The following BRINP1 variants were observed in gnomAD, a reference collection of about 807,000 sequenced individuals.
BRINP1 encodes the protein BMP/retinoic acid inducible neural specific 1.
In BRINP1, 17 loss-of-function variants were observed where a neutral mutation model predicts 72.9. That is an observed-to-expected ratio of 0.23 (90% CI 0.16 to 0.35). The LOEUF is 0.35. BRINP1 is among the 10% of genes least tolerant of loss of function. BRINP1 has a pLI of 1.00. For missense variants in BRINP1, 850 were observed against 1,001.6 expected (o/e 0.85, Z 2.04); for synonymous variants, 418 against 378.5 (o/e 1.10, Z -1.21).
Position 119,354,704 on chromosome 9 carries a change from A to T in BRINP1, c.-51+14352T>A, listed in dbSNP as rs561314622. 3.7e-3 allele frequency among the ~76,000 whole-genome samples: 560 copies of T among 152,212 alleles called. 2 individuals carry two copies. The highest frequency in any genetic ancestry group is 0.013 in the African/African-American group (536 of 41,512). On this transcript the variant is annotated intron_variant, in intron 1 of 7. Transcript: ENST00000265922. ...GCAAGAACCCCGTCTCTAAAAAAAA[A>T]AAATAAAAATAAAAACTTGCCAGGT...
chr9:119,187,680 A>G (rs932272636), intron 7 of BRINP1, among the ~76,000 whole-genome samples: 5 of 152,238 alleles, frequency 3.3e-5, no homozygotes, highest in African/African-American at 1.2e-4. Flanking sequence ...TGACACCACC[A>G]AAAGAACAAA....
rs569347144 is a variant in BRINP1, at chr9:119,200,493, G to A, written c.1145+8226C>T. 2.0e-5 allele frequency among the ~76,000 whole-genome samples: 3 copies of A among 152,092 alleles called. No homozygotes were observed. The South Asian group carries it at 6.2e-4, about 32-fold the overall frequency. On this transcript the variant is annotated intron_variant, in intron 7 of 7. Coordinates refer to ENST00000265922, the MANE Select transcript of BRINP1 (RefSeq NM_014618.3). ...AGATAAGCTAGCCAGGTATGGTGGT[G>A]CACACCTGTAGTTCCAGATTCTTGG...
intron 1 of BRINP1, among the ~76,000 whole-genome samples, chr9:119,324,821 C>G (rs1051459523): frequency 1.3e-5 from 2 of 152,088 alleles, no homozygotes; most frequent in Non-Finnish European, 2.9e-5. Flanking sequence ...TTGGAATGGC[C>G]GGGCACAGTG....
chr9:119,229,179 G>A (rs141150268), intron 5 of BRINP1, among the ~76,000 whole-genome samples: 7 of 152,046 alleles, frequency 4.6e-5, no homozygotes, highest in South Asian at 2.1e-4. Flanking sequence ...AAGGAACACT[G>A]CATTTATTCA....
chr9:119,167,017 T>A lies in BRINP1; in HGVS notation c.*67A>T. 1 of 1,467,404 alleles carries A rather than the reference T, an allele frequency of 6.8e-7. No homozygotes were observed. The highest frequency in any genetic ancestry group is 9.1e-7 in the Non-Finnish European group (1 of 1,095,708). The allele number at this position is 1,467,404 out of a possible 1,614,324, so 90.9% of individuals were successfully genotyped here. On this transcript the variant is annotated 3_prime_UTR_variant, in exon 8 of 8. Coordinates refer to ENST00000265922, the MANE Select transcript of BRINP1 (RefSeq NM_014618.3). The surrounding 1 kb of genome is among the most constrained non-coding windows in gnomAD (Gnocchi z 4.3). ...AATTTTTGTGGGTTTTTTTGTTTTG[T>A]TTTGCTTCATTTTGTTCTGTTGTGT...
At chr9:119,286,532 C>T (rs764576392) in intron 2 of BRINP1, among the ~76,000 whole-genome samples, 68 of 152,206 alleles carry the variant, frequency 4.5e-4, no homozygotes, top group Non-Finnish European at 1.5e-4. Flanking sequence ...CTGCGCCCGG[C>T]CATCGCCATC....
chr9:119,338,610 C>T (rs1831374307), intron 1 of BRINP1, among the ~76,000 whole-genome samples: 1 of 149,994 alleles, frequency 6.7e-6, no homozygotes, highest in African/African-American at 2.5e-5. Context: ...CGGTGGCTCA[C>T]GCCTGTAATC....
intron 5 of BRINP1, among the ~76,000 whole-genome samples, chr9:119,215,176 A>G (rs1352216240): frequency 6.6e-6 from 1 of 152,206 alleles, no homozygotes; most frequent in Non-Finnish European, 1.5e-5. Flanking sequence ...TGGTCTACCA[A>G]TAGGAAGTGA....
At chr9:119,216,006 G>A (rs1293282773) in intron 5 of BRINP1, among the ~76,000 whole-genome samples, 1 of 152,192 alleles carries the variant, frequency 6.6e-6, no homozygotes, top group East Asian at 1.9e-4. Context: ...ATGAAAGAAT[G>A]CCTACAAATT....
intron 2 of BRINP1, among the ~76,000 whole-genome samples, chr9:119,289,632 C>T (rs1830802325): frequency 6.6e-6 from 1 of 152,138 alleles, no homozygotes; most frequent in South Asian, 2.1e-4. Flanking sequence ...TGAGAAATAT[C>T]CCAAAGGATA....
At chr9:119,182,013 G>C (rs1201725908) in intron 7 of BRINP1, among the ~76,000 whole-genome samples, 1 of 152,130 alleles carries the variant, frequency 6.6e-6, no homozygotes, top group Non-Finnish European at 1.5e-5. Flanking sequence ...TGTTTCTCTT[G>C]AGCTCACATA....
chr9:119,243,668 C>A (rs1830282429), intron 3 of BRINP1, among the ~76,000 whole-genome samples: 2 of 152,182 alleles, frequency 1.3e-5, no homozygotes, highest in Non-Finnish European at 2.9e-5. Context: ...ACGTTCCCAC[C>A]AACAGTGTAA....
At chr9:119,180,515 GTT>G (rs1337011739) in intron 7 of BRINP1, among the ~76,000 whole-genome samples, 1 of 143,444 alleles carries the variant, frequency 7.0e-6, no homozygotes, top group Non-Finnish European at 1.5e-5. Flanking sequence ...GTGTGTGTGT[GTT>G]AAAGAAGTGG....
Position 119,167,511 on chromosome 9 carries a change from C to T in BRINP1, c.1859G>A (p.Arg620His), listed in dbSNP as rs138808774. 3.3e-5 allele frequency: 53 copies of T among 1,614,146 alleles called. No homozygotes were observed. The highest frequency in any genetic ancestry group is 6.6e-5 in the South Asian group (6 of 91,076). ...TFFETVHIYL[R>H]SRTRLPTLLR... ...TAGGGTAGGTAGCCGAGTCCGACTA[C>T]GTAGGTAGATGTGGACCGTCTCGAA... Residue 620 changes from arginine to histidine, a missense_variant, in exon 8 of 8, where the codon CGT becomes CAT. Transcript: ENST00000265922. The surrounding 1 kb of genome is among the most constrained non-coding windows in gnomAD (Gnocchi z 4.3).
intron 5 of BRINP1, among the ~76,000 whole-genome samples, chr9:119,222,528 C>T (rs1279544936): frequency 1.3e-5 from 2 of 151,918 alleles, no homozygotes; most frequent in Admixed American, 1.3e-4. Context: ...TATGATTCTG[C>T]TCTGTGCTGT....
intron 5 of BRINP1, among the ~76,000 whole-genome samples, chr9:119,217,799 T>G (rs1829994590): frequency 6.6e-6 from 1 of 152,206 alleles, no homozygotes; most frequent in African/African-American, 2.4e-5. Context: ...TCCTTCCTCT[T>G]ATCTCCTAAT....
At chr9:119,238,495 A>G (rs558208671) in intron 5 of BRINP1, among the ~76,000 whole-genome samples, 160 bp downstream of exon 5, 1 of 152,290 alleles carries the variant, frequency 6.6e-6, no homozygotes, top group African/African-American at 2.4e-5. Flanking sequence ...TATACACGGT[A>G]TCATAACTGT....
At chr9:119,248,859 A>T (rs1830349520) in intron 3 of BRINP1, 101 bp downstream of exon 3, 2 of 1,023,980 alleles carry the variant, frequency 2.0e-6, no homozygotes, top group East Asian at 2.5e-5. Flanking sequence ...GTAGAATGGC[A>T]GAGAAGCTAA....
At chr9:119,253,206 G>A (rs1382251588) in intron 2 of BRINP1, among the ~76,000 whole-genome samples, 1 of 152,014 alleles carries the variant, frequency 6.6e-6, no homozygotes, top group Non-Finnish European at 1.5e-5. Flanking sequence ...CAATATGGAG[G>A]TTCCTCAAAA....
Sources: gnomAD v4.1 joint callset for allele counts (sites outside exome capture counted in the v4.1 genomes callset) on GRCh38, gnomAD v4.1.1 for gene constraint, Gnocchi (gnomAD v3.1) non-coding constraint, MANE v1.5 for transcripts, NCBI Gene and HGNC (gene_info 2026-07-23, HGNC 2026-07-21) for gene names.